Variants in MYO6 observed in about 807,000 individuals in gnomAD.
The protein encoded by MYO6 is myosin VI.
MYO6 carries 74 observed loss-of-function variants against 178.7 expected under a neutral mutation model. That is an observed-to-expected ratio of 0.41 (90% CI 0.34 to 0.50). The LOEUF is 0.50. Among genes scored for constraint, MYO6 ranks in the 20% least tolerant of loss-of-function variants. The probability of loss-of-function intolerance (pLI) is 0.09; values close to 1 mark genes in which losing one functional copy is unlikely to be tolerated. For synonymous variants in MYO6, 477 were observed against 504.6 expected (o/e 0.95, Z 0.73); for missense variants, 1,330 against 1,547.4 (o/e 0.86, Z 2.36).
At chr6:75,759,290 A>G (rs555348620) in intron 1 of MYO6, among the ~76,000 whole-genome samples, 2 of 152,336 alleles carry the variant, frequency 1.3e-5, no homozygotes, top group South Asian at 2.1e-4. Context: ...GCAAAGCCCC[A>G]AAAGGAAGGA....
intron 31 of MYO6, 86 bp downstream of exon 31, chr6:75,907,794 ATGTGTG>A (rs71002774): frequency 6.5e-5 from 49 of 751,196 alleles, no homozygotes; most frequent in Non-Finnish European, 1.0e-4. Flanking sequence ...GTGTGTGTGT[ATGTGTG>A]TGTGTGTGTG....
In MYO6 at chr6:75,756,913, A is replaced by ACAC. The variant is rs1777417725; in HGVS notation, c.-48+7492_-48+7493insCCA. On this transcript the variant is annotated intron_variant, in intron 1 of 34. Coordinates refer to ENST00000369977, the MANE Select transcript of MYO6 (RefSeq NM_004999.4). The stretch of plus-strand genomic sequence containing the variant: ...TGTGTGTATATATATATATATATAC[A>ACAC]CATATATATACACACCATATATAGT... 1.4e-5 allele frequency among the ~76,000 whole-genome samples: 2 copies of ACAC among 141,602 alleles called. 1 individual carries two copies. The highest frequency in any genetic ancestry group is 5.8e-5 in the African/African-American group (2 of 34,582). 92.9% of individuals were successfully genotyped at this position (141,602 alleles called of 152,430 possible).
intron 16 of MYO6, among the ~76,000 whole-genome samples, chr6:75,865,552 A>G (rs1461261634): frequency 6.6e-6 from 1 of 150,842 alleles, no homozygotes; most frequent in Non-Finnish European, 1.5e-5. Flanking sequence ...TTTTATAGAG[A>G]TGGGGTTTTG....
chr6:75,809,917 C>CA (rs573059225), intron 1 of MYO6, among the ~76,000 whole-genome samples: 7,769 of 125,010 alleles, frequency 0.062, 236 homozygotes, highest in East Asian at 0.17. Flanking sequence ...AAAAAAAAAA[C>CA]AAAAAAAAAA....
chr6:75,824,981 A>G lies in MYO6; in HGVS notation c.187+2130A>G, dbSNP rs890186559. Reference sequence around the variant, plus strand: ...ACTATGTTGGCCAGGTTGGTCTCAAACTCCTGACCTCAGATGATCTGCCTG... The same window carrying G: ...ACTATGTTGGCCAGGTTGGTCTCAAGCTCCTGACCTCAGATGATCTGCCTG... On this transcript the variant is annotated intron_variant, in intron 3 of 34. Transcript: ENST00000369977. Among the ~76,000 whole-genome samples the G allele has an allele frequency of 2.0e-5, 3 of 151,620 alleles. No homozygotes were observed. The East Asian group carries it at 5.8e-4, about 30-fold the overall frequency.
chr6:75,871,288 C>T (rs181739815), intron 19 of MYO6, among the ~76,000 whole-genome samples: 121 of 152,326 alleles, frequency 7.9e-4, no homozygotes, highest in African/African-American at 2.4e-3. Flanking sequence ...CATTCTCTCT[C>T]GCCCAGGCTG....
chr6:75,781,867 G>A (rs1279573271), intron 1 of MYO6, among the ~76,000 whole-genome samples: 1 of 139,426 alleles, frequency 7.2e-6, no homozygotes, highest in Non-Finnish European at 1.5e-5. Flanking sequence ...GCAGTGAGCC[G>A]AGATCGCGCC....
intron 9 of MYO6, among the ~76,000 whole-genome samples, chr6:75,844,559 T>C (rs10943294): frequency 0.13 from 19,734 of 152,064 alleles, 1,354 homozygotes; most frequent in Non-Finnish European, 0.15. Context: ...AGTAGGAAGG[T>C]GATTTTCATG....
chr6:75,771,474 CTG>C (rs1765891751), intron 1 of MYO6, among the ~76,000 whole-genome samples: 1 of 152,098 alleles, frequency 6.6e-6, no homozygotes, highest in Non-Finnish European at 1.5e-5. Flanking sequence ...ACTGCAGTAA[CTG>C]TATTTAGATA....
chr6:75,827,406 G>A (rs1397804174), intron 3 of MYO6, among the ~76,000 whole-genome samples: 1 of 152,132 alleles, frequency 6.6e-6, no homozygotes, highest in African/African-American at 2.4e-5. Context: ...TTAGTATTAA[G>A]GTGAATTGTG....
chr6:75,871,257 T>G (rs553091500), intron 19 of MYO6, among the ~76,000 whole-genome samples: 1 of 152,316 alleles, frequency 6.6e-6, no homozygotes, highest in African/African-American at 2.4e-5. Flanking sequence ...AAATTTTGTT[T>G]TTGTTTTTGA....
chr6:75,752,824 A>G (rs1045882667), intron 1 of MYO6, among the ~76,000 whole-genome samples: 1 of 152,186 alleles, frequency 6.6e-6, no homozygotes, highest in Non-Finnish European at 1.5e-5. Flanking sequence ...GCTGTTAAAC[A>G]TATGTATGTG....
intron 1 of MYO6, among the ~76,000 whole-genome samples, chr6:75,789,710 T>C (rs1768038259): frequency 6.6e-6 from 1 of 152,224 alleles, no homozygotes; most frequent in African/African-American, 2.4e-5. Flanking sequence ...GATCAAAGTA[T>C]ATTTACTGCT....
At chr6:75,892,781 A>T in intron 28 of MYO6, 91 bp downstream of exon 28, 3 of 1,382,128 alleles carry the variant, frequency 2.2e-6, no homozygotes, top group Non-Finnish European at 3.0e-6. Flanking sequence ...GAATAGGAGA[A>T]AATAATATTC....
chr6:75,793,051 CAA>C (rs1406972716), intron 1 of MYO6, among the ~76,000 whole-genome samples: 1 of 152,054 alleles, frequency 6.6e-6, no homozygotes, highest in Non-Finnish European at 1.5e-5. Flanking sequence ...CTCAGTCTCC[CAA>C]AGTGTTGGGA....
chr6:75,848,624 C>T, intron 11 of MYO6, 93 bp downstream of exon 11: 1 of 1,288,660 alleles, frequency 7.8e-7, no homozygotes, highest in Non-Finnish European at 1.1e-6. Flanking sequence ...ATGCAGTTTG[C>T]TTAAAAACTT....
At chr6:75,861,637 T>C (rs1271933703) in intron 15 of MYO6, among the ~76,000 whole-genome samples, 2 of 152,206 alleles carry the variant, frequency 1.3e-5, no homozygotes, top group Non-Finnish European at 2.9e-5. Context: ...CAGTTTTCAG[T>C]CTTCCATTTC....
intron 29 of MYO6, among the ~76,000 whole-genome samples, chr6:75,895,679 A>G (rs992977291): frequency 6.6e-6 from 1 of 151,536 alleles, no homozygotes; most frequent in Non-Finnish European, 1.5e-5. Context: ...CACCACACTC[A>G]GCTAATTTTT....
At chr6:75,765,652 G>T (rs1333503577) in intron 1 of MYO6, among the ~76,000 whole-genome samples, 2 of 152,124 alleles carry the variant, frequency 1.3e-5, no homozygotes, top group African/African-American at 4.8e-5. Flanking sequence ...GGAGGCTGAG[G>T]TGGGAGGATT....
Sources: gnomAD v4.1 joint callset for allele counts (sites outside exome capture counted in the v4.1 genomes callset) on GRCh38, gnomAD v4.1.1 for gene constraint, MANE v1.5 for transcripts, NCBI Gene and HGNC (gene_info 2026-07-23, HGNC 2026-07-21) for gene names.